KCNIP4: variants seen among roughly 807,000 people sequenced by gnomAD.
KCNIP4 encodes Kv channel-interacting protein 4.
A neutral mutation model predicts 34.0 loss-of-function variants in KCNIP4; 12 were observed. The observed-to-expected ratio is 0.35, with a 90% CI of 0.23 to 0.57. The LOEUF is 0.57. Ranked by LOEUF, KCNIP4 falls within the 20% of genes least tolerant of loss-of-function variation. KCNIP4 has a pLI of 0.83. For missense variants in KCNIP4, 238 were observed against 311.7 expected, an observed-to-expected ratio of 0.76 and a Z score of 1.78; for synonymous variants, 124 against 102.2, an observed-to-expected ratio of 1.21 and a Z score of -1.29.
rs79314821 is a variant in KCNIP4, at chr4:21,205,139, C to T, written c.62-322430G>A. Among the ~76,000 whole-genome samples, 211 of 152,274 alleles carry T rather than the reference C, an allele frequency of 1.4e-3. 1 individual carries two copies. Among genetic ancestry groups the T allele is most frequent in the African/African-American group, 4.8e-3 (201 of 41,560 alleles). On this transcript the variant is annotated intron_variant, in intron 1 of 8. Transcript: ENST00000382152. ...ACTGTGGAGTAAATACTGGGTCGAA[C>T]CTCATTGTTCTACAATTTTCTGAGT...
chr4:21,095,019 CAA>C (rs1450211643), intron 1 of KCNIP4, among the ~76,000 whole-genome samples: 2 of 152,006 alleles, frequency 1.3e-5, no homozygotes, highest in African/African-American at 4.8e-5. Context: ...AACATAACAA[CAA>C]AAAAGAAATG....
At chr4:21,257,960 C>G (rs935005615) in intron 1 of KCNIP4, among the ~76,000 whole-genome samples, 6 of 152,002 alleles carry the variant, frequency 3.9e-5, no homozygotes, top group African/African-American at 1.4e-4. Context: ...TTTTTTCTTG[C>G]CTCTCATCAA....
At chr4:21,384,567 A>T (rs1024305393) in intron 1 of KCNIP4, among the ~76,000 whole-genome samples, 4 of 152,196 alleles carry the variant, frequency 2.6e-5, no homozygotes, top group Non-Finnish European at 5.9e-5. Flanking sequence ...TCCCAGATTG[A>T]TGTGGAATAA....
chr4:21,722,946 A>G (rs1350416389), intron 1 of KCNIP4, among the ~76,000 whole-genome samples: 2 of 152,160 alleles, frequency 1.3e-5, no homozygotes, highest in Non-Finnish European at 2.9e-5. Flanking sequence ...TGTTAACAAC[A>G]TGGTAAGGAA....
chr4:21,279,709 A>C (rs1031362515), intron 1 of KCNIP4, among the ~76,000 whole-genome samples: 3 of 152,046 alleles, frequency 2.0e-5, no homozygotes, highest in Non-Finnish European at 2.9e-5. Flanking sequence ...CCTGTTGATA[A>C]CAAGTGTATA....
chr4:21,854,800 T>C (rs1344618068), intron 1 of KCNIP4, among the ~76,000 whole-genome samples: 1 of 152,224 alleles, frequency 6.6e-6, no homozygotes, highest in Non-Finnish European at 1.5e-5. Context: ...TCCCTATTTC[T>C]TCTTTGGACT....
chr4:21,694,914 CAAAAAA>C (rs368053041), intron 1 of KCNIP4, among the ~76,000 whole-genome samples: 2 of 46,512 alleles, frequency 4.3e-5, no homozygotes, highest in African/African-American at 1.3e-4. Context: ...CACGATTGAC[CAAAAAA>C]AAAAAAAAAA....
intron 1 of KCNIP4, among the ~76,000 whole-genome samples, chr4:21,833,619 G>T (rs370784359): frequency 0.043 from 6,521 of 152,092 alleles, 486 homozygotes; most frequent in African/African-American, 0.15. Flanking sequence ...GTCAATTTTG[G>T]CTTTTGTTGC....
intron 1 of KCNIP4, among the ~76,000 whole-genome samples, chr4:21,276,804 A>G (rs901219792): frequency 6.6e-6 from 1 of 152,204 alleles, no homozygotes; most frequent in Non-Finnish European, 1.5e-5. Flanking sequence ...AGGTGTAAAC[A>G]GAGGTCTGCT....
In KCNIP4 at chr4:21,300,370, A is replaced by G. The variant is rs78670296; in HGVS notation, c.62-417661T>C. Among the ~76,000 whole-genome samples, 1,300 of 152,276 alleles carry G rather than the reference A, an allele frequency of 8.5e-3. 24 individuals carry two copies. The highest frequency in any genetic ancestry group is 0.03 in the African/African-American group (1,246 of 41,560). ...CTGGAGCCTCCTAAACTCCCCACTA[A>G]GTAGAGAGAGTCTATGAATTTAAAA... is the stretch of plus-strand genomic sequence containing the variant. On this transcript the variant is annotated intron_variant, in intron 1 of 8. Coordinates refer to ENST00000382152, the MANE Select transcript of KCNIP4 (RefSeq NM_025221.6).
intron 1 of KCNIP4, among the ~76,000 whole-genome samples, chr4:21,296,285 A>G (rs941947898): frequency 6.6e-6 from 1 of 152,046 alleles, no homozygotes; most frequent in African/African-American, 2.4e-5. Flanking sequence ...CTAAAACTCT[A>G]TATAGCAACA....
chr4:21,628,198 T>G (rs1403545821), intron 1 of KCNIP4, among the ~76,000 whole-genome samples: 1 of 152,142 alleles, frequency 6.6e-6, no homozygotes, highest in Non-Finnish European at 1.5e-5. Context: ...ATATTTTACT[T>G]CCTTTCAACC....
At chr4:20,997,989 T>C (rs1737723743) in intron 1 of KCNIP4, among the ~76,000 whole-genome samples, 1 of 152,168 alleles carries the variant, frequency 6.6e-6, no homozygotes. Flanking sequence ...GGTAGAGCTG[T>C]TAAGCTGATA....
chr4:21,053,979 T>C (rs1743163123), intron 1 of KCNIP4, among the ~76,000 whole-genome samples: 1 of 121,472 alleles, frequency 8.2e-6, no homozygotes, highest in African/African-American at 3.4e-5. Context: ...CATAATTCCA[T>C]CAAGTTATTT....
At chr4:21,216,139 CTT>C (rs1757560766) in intron 1 of KCNIP4, among the ~76,000 whole-genome samples, 1 of 152,182 alleles carries the variant, frequency 6.6e-6, no homozygotes, top group African/African-American at 2.4e-5. Flanking sequence ...TGAGAAATGA[CTT>C]TGCGTTGGTG....
At chr4:21,288,129 A>G (rs1763228063) in intron 1 of KCNIP4, among the ~76,000 whole-genome samples, 1 of 152,150 alleles carries the variant, frequency 6.6e-6, no homozygotes, top group African/African-American at 2.4e-5. Context: ...TGACTCCTGA[A>G]CAGTCTCTCT....
At chr4:20,851,283 G>A (rs888787898) in intron 2 of KCNIP4, among the ~76,000 whole-genome samples, 1 of 152,148 alleles carries the variant, frequency 6.6e-6, no homozygotes, top group African/African-American at 2.4e-5. Flanking sequence ...AACATGCAGT[G>A]TTTGGTTTTC....
intron 1 of KCNIP4, among the ~76,000 whole-genome samples, chr4:21,642,095 C>T (rs1402859052): frequency 6.6e-6 from 1 of 152,210 alleles, no homozygotes. Context: ...TTACAGAATG[C>T]CTTATGCCCT....
chr4:21,624,248 A>G (rs1419106066), intron 1 of KCNIP4, among the ~76,000 whole-genome samples: 1 of 152,194 alleles, frequency 6.6e-6, no homozygotes, highest in East Asian at 1.9e-4. Flanking sequence ...ACTAGCTCAT[A>G]GGGCTTTTGT....
Sources: gnomAD v4.1 joint callset for allele counts (sites outside exome capture counted in the v4.1 genomes callset) on GRCh38, gnomAD v4.1.1 for gene constraint, MANE v1.5 for transcripts, NCBI Gene and HGNC (gene_info 2026-07-23, HGNC 2026-07-21) for gene names.